The following MYO3B variants were observed in gnomAD, a reference collection of about 807,000 sequenced individuals.
MYO3B encodes myosin-IIIb.
In MYO3B, 156 loss-of-function variants were observed where a neutral mutation model predicts 174.6. The observed-to-expected ratio is 0.89, with a 90% CI of 0.78 to 1.02. MYO3B has a LOEUF of 1.02. MYO3B is among the 50% of genes least tolerant of loss of function. The probability of loss-of-function intolerance (pLI) is 0.00; values close to 1 mark genes in which losing one functional copy is unlikely to be tolerated. For missense variants in MYO3B, 1,632 were observed against 1,639.4 expected, an observed-to-expected ratio of 1.00 and a Z score of 0.08; for synonymous variants, 563 against 569.1, an observed-to-expected ratio of 0.99 and a Z score of 0.15.
intron 32 of MYO3B, among the ~76,000 whole-genome samples, chr2:170,632,200 G>A (rs1300622160): frequency 4.6e-5 from 7 of 152,136 alleles, no homozygotes; most frequent in Middle Eastern, 3.4e-3. Flanking sequence ...GCACCACATC[G>A]CACTTGTTCC....
intron 8 of MYO3B, among the ~76,000 whole-genome samples, chr2:170,354,918 C>T (rs1444926062): frequency 1.3e-5 from 2 of 149,380 alleles, no homozygotes; most frequent in Non-Finnish European, 3.0e-5. Context: ...AAATTCAGTG[C>T]TTGAACAAGG....
chr2:170,293,989 CT>C (rs995793876), intron 7 of MYO3B, among the ~76,000 whole-genome samples: 12 of 151,278 alleles, frequency 7.9e-5, no homozygotes, highest in African/African-American at 2.9e-4. Context: ...TTTTTTTTCC[CT>C]GTTCACCTGC....
chr2:170,459,176 C>T (rs80085573), intron 23 of MYO3B, among the ~76,000 whole-genome samples: 6 of 152,194 alleles, frequency 3.9e-5, no homozygotes, highest in Non-Finnish European at 5.9e-5. Flanking sequence ...GCTTCCACAG[C>T]GTGGAAAGGG....
chr2:170,420,987 A>G (rs183958015), intron 22 of MYO3B, among the ~76,000 whole-genome samples: 4 of 152,236 alleles, frequency 2.6e-5, no homozygotes, highest in African/African-American at 4.8e-5. Context: ...AATTCCTGGT[A>G]CCACTAGAAT....
chr2:170,248,810 A>G (rs2093220300), intron 7 of MYO3B, among the ~76,000 whole-genome samples: 1 of 152,210 alleles, frequency 6.6e-6, no homozygotes, highest in Non-Finnish European at 1.5e-5. Flanking sequence ...ATACCTGCAT[A>G]TAAACTTAAT....
chr2:170,536,526 C>A (rs953796925), intron 30 of MYO3B, among the ~76,000 whole-genome samples: 1 of 152,192 alleles, frequency 6.6e-6, no homozygotes, highest in South Asian at 2.1e-4. Context: ...TTTATTCCTT[C>A]TTGTTTCCCT....
chr2:170,485,080 G>A (rs574973647), intron 25 of MYO3B, among the ~76,000 whole-genome samples: 14 of 152,018 alleles, frequency 9.2e-5, no homozygotes, highest in African/African-American at 2.4e-4. Flanking sequence ...TGGGAAAAGC[G>A]TTTATTTCTT....
chr2:170,510,657 A>G (rs1163380874), intron 28 of MYO3B, among the ~76,000 whole-genome samples: 3 of 142,246 alleles, frequency 2.1e-5, no homozygotes, highest in Non-Finnish European at 3.1e-5. Context: ...TGGTGTCCTT[A>G]TAAACATGCC....
chr2:170,305,790 A>G (rs1470466528), intron 7 of MYO3B, among the ~76,000 whole-genome samples: 2 of 152,204 alleles, frequency 1.3e-5, no homozygotes, highest in East Asian at 3.9e-4. Flanking sequence ...GTCTTACTAT[A>G]TTACCTAGGG....
At chr2:170,192,527 A>G (rs1559287837) in intron 1 of MYO3B, among the ~76,000 whole-genome samples, 2 of 150,310 alleles carry the variant, frequency 1.3e-5, no homozygotes, top group African/African-American at 4.9e-5. Context: ...TAATTTAATT[A>G]TATATTCTAC....
chr2:170,543,039 G>A (rs1575141095), intron 31 of MYO3B, 73 bp downstream of exon 31: 3 of 1,266,156 alleles, frequency 2.4e-6, no homozygotes, highest in Non-Finnish European at 3.4e-6. Context: ...TAGGCATGAA[G>A]CTTGTCTGCG....
At chr2:170,195,281 C>T (rs1408781032) in intron 1 of MYO3B, among the ~76,000 whole-genome samples, 3 of 151,916 alleles carry the variant, frequency 2.0e-5, no homozygotes, top group South Asian at 2.1e-4. Context: ...CATGCCACAC[C>T]GTCCTATCCT....
chr2:170,464,109 T>G (rs1684472016), intron 24 of MYO3B, among the ~76,000 whole-genome samples: 1 of 152,150 alleles, frequency 6.6e-6, no homozygotes, highest in Non-Finnish European at 1.5e-5. Flanking sequence ...CCCAGCATTT[T>G]GGGAGGCTGA....
Position 170,434,271 on chromosome 2 carries a change from C to A in MYO3B, c.2651-9696C>A, listed in dbSNP as rs545841505. 1.7e-4 allele frequency among the ~76,000 whole-genome samples: 26 copies of A among 152,206 alleles called. No homozygotes were observed. In the South Asian group the frequency reaches 2.7e-3, roughly 16 times the overall value. ...GTGGTGTGATCATGGCTCACTGCAG[C>A]CTCAACCTCCCGGGCTCAACTTGTT... is the stretch of plus-strand genomic sequence containing the variant. On this transcript the variant is annotated intron_variant, in intron 22 of 34. Transcript: ENST00000408978.
chr2:170,302,420 C>G (rs1287706997), intron 7 of MYO3B, among the ~76,000 whole-genome samples: 1 of 152,158 alleles, frequency 6.6e-6, no homozygotes, highest in Non-Finnish European at 1.5e-5. Context: ...AAATGACCAG[C>G]TGGGGCTGGG....
chr2:170,320,276 G>T (rs2093814595), intron 7 of MYO3B, among the ~76,000 whole-genome samples: 1 of 152,084 alleles, frequency 6.6e-6, no homozygotes, highest in Non-Finnish European at 1.5e-5. Flanking sequence ...TGAACTCTTG[G>T]GCTCAAGCGA....
At chr2:170,318,119 A>G (rs1187616104) in intron 7 of MYO3B, among the ~76,000 whole-genome samples, 1 of 152,234 alleles carries the variant, frequency 6.6e-6, no homozygotes, top group African/African-American at 2.4e-5. Context: ...ATTGAATGAA[A>G]TACATTTGTG....
At chr2:170,266,334 A>T (rs1043855071) in intron 7 of MYO3B, among the ~76,000 whole-genome samples, 3 of 152,194 alleles carry the variant, frequency 2.0e-5, no homozygotes, top group Non-Finnish European at 4.4e-5. Flanking sequence ...TTAATTTTTA[A>T]ACTAGCTGTA....
At chr2:170,285,607 C>T (rs1036986724) in intron 7 of MYO3B, among the ~76,000 whole-genome samples, 9 of 152,100 alleles carry the variant, frequency 5.9e-5, no homozygotes, top group South Asian at 2.1e-4. Flanking sequence ...TTAGGTAATC[C>T]GCCTCCCTTG....
Sources: gnomAD v4.1 joint callset for allele counts (sites outside exome capture counted in the v4.1 genomes callset) on GRCh38, gnomAD v4.1.1 for gene constraint, MANE v1.5 for transcripts, NCBI Gene and HGNC (gene_info 2026-07-23, HGNC 2026-07-21) for gene names.